The following LDB3 variants were observed in gnomAD, a reference collection of about 807,000 sequenced individuals.
LDB3 encodes the protein LIM domain binding 3, also known as LIM domain-binding protein 3.
A neutral mutation model predicts 69.0 loss-of-function variants in LDB3; 49 were observed. The observed-to-expected ratio is 0.71, with a 90% CI of 0.56 to 0.90. The LOEUF is 0.90. Ranked by LOEUF, LDB3 falls within the 40% of genes least tolerant of loss-of-function variation. LDB3 has a pLI of 0.00. For missense variants in LDB3, 928 were observed against 974.1 expected (o/e 0.95, Z 0.63); for synonymous variants, 387 against 396.2 (o/e 0.98, Z 0.28).
intron 2 of LDB3, among the ~76,000 whole-genome samples, chr10:86,674,460 A>G (rs941386443): frequency 6.6e-6 from 1 of 152,078 alleles, no homozygotes; most frequent in Non-Finnish European, 1.5e-5. Context: ...TTGGCCCAGC[A>G]AGGCGGAAGG....
At chr10:86,712,692 C>G (rs1205198849) in intron 9 of LDB3, among the ~76,000 whole-genome samples, 11 of 152,202 alleles carry the variant, frequency 7.2e-5, no homozygotes. Flanking sequence ...TAGAAATTTC[C>G]TATTAGCCAC....
At chr10:86,674,564 C>T (rs1196923068) in intron 2 of LDB3, among the ~76,000 whole-genome samples, 2 of 151,734 alleles carry the variant, frequency 1.3e-5, no homozygotes, top group Non-Finnish European at 2.9e-5. Context: ...CACCCTGAGG[C>T]CATTCTAGGC....
chr10:86,720,482 C>G (rs1847041835), intron 12 of LDB3, among the ~76,000 whole-genome samples: 1 of 152,000 alleles, frequency 6.6e-6, no homozygotes, highest in African/African-American at 2.4e-5. Context: ...GTCTTGGGTT[C>G]TTGTACTAGT....
chr10:86,689,309 G>A (rs1045022199), intron 5 of LDB3, among the ~76,000 whole-genome samples: 3 of 152,126 alleles, frequency 2.0e-5, no homozygotes, highest in Non-Finnish European at 2.9e-5. Context: ...CCAGTCATCC[G>A]TCTGTCTGGT....
At chr10:86,678,047 GT>G (rs1844897435) in intron 2 of LDB3, among the ~76,000 whole-genome samples, 1 of 152,110 alleles carries the variant, frequency 6.6e-6, no homozygotes, top group African/African-American at 2.4e-5. Context: ...TTGTTTGTTT[GT>G]TTGTTTTTAG....
intron 5 of LDB3, among the ~76,000 whole-genome samples, chr10:86,688,352 C>T (rs11202127): frequency 0.031 from 4,741 of 152,224 alleles, 213 homozygotes; most frequent in East Asian, 0.16. Flanking sequence ...CAGACCCCAG[C>T]CCTTGTGGCC....
At chr10:86,674,866 C>A (rs1382786046) in intron 2 of LDB3, among the ~76,000 whole-genome samples, 1 of 152,104 alleles carries the variant, frequency 6.6e-6, no homozygotes, top group African/African-American at 2.4e-5. Flanking sequence ...AGGGTGCCCC[C>A]CTCCAACCCA....
intron 7 of LDB3, among the ~76,000 whole-genome samples, chr10:86,692,847 T>C (rs146072299): frequency 6.6e-6 from 1 of 152,300 alleles, no homozygotes; most frequent in Non-Finnish European, 1.5e-5. Flanking sequence ...CAGGGCTGCT[T>C]TGGCCTTTGC....
intron 5 of LDB3, among the ~76,000 whole-genome samples, chr10:86,690,909 T>G (rs1845727374): frequency 6.6e-6 from 1 of 152,228 alleles, no homozygotes; most frequent in African/African-American, 2.4e-5. Context: ...CTGGCCTCTC[T>G]GGACCTCAGC....
chr10:86,684,363 A>G, intron 5 of LDB3, among the ~76,000 whole-genome samples: 1 of 152,222 alleles, frequency 6.6e-6, no homozygotes, highest in East Asian at 1.9e-4. Context: ...AATAAATGTC[A>G]AAGAAGGAGC....
At chr10:86,728,586 G>GTTTTTTTTTTTTTTTT (rs201899694) in intron 13 of LDB3, among the ~76,000 whole-genome samples, 5 of 131,444 alleles carry the variant, frequency 3.8e-5, no homozygotes, top group East Asian at 2.3e-4. Flanking sequence ...TGGTTCTTTT[G>GTTTTTTTTTTTTTTTT]TTTTTTTTTT....
chr10:86,671,876 G>A (rs1844501137), intron 2 of LDB3, among the ~76,000 whole-genome samples: 1 of 152,336 alleles, frequency 6.6e-6, no homozygotes, highest in Admixed American at 6.5e-5. Context: ...ACTTTGGGAG[G>A]CCGAGGGGGC....
intron 7 of LDB3, among the ~76,000 whole-genome samples, chr10:86,704,636 T>C (rs894842553): frequency 1.4e-5 from 2 of 147,046 alleles, no homozygotes; most frequent in Non-Finnish European, 3.0e-5. Flanking sequence ...CTGGAGTGAA[T>C]TGGCGTGATC....
intron 7 of LDB3, among the ~76,000 whole-genome samples, chr10:86,704,221 G>A (rs567497509): frequency 2.6e-5 from 4 of 152,224 alleles, no homozygotes; most frequent in South Asian, 4.1e-4. Flanking sequence ...GATCCCCAGG[G>A]GCTTCAAGCA....
rs3740345 is a variant in LDB3, at chr10:86,685,628, G to C, written c.689+3825G>C. Reference sequence around the variant, plus strand: ...GGCCCCGGCGCTCAAACTGCCCCTGGTGGAGCCTCTCTCTGACCACCCTGT... The same window carrying C: ...GGCCCCGGCGCTCAAACTGCCCCTGCTGGAGCCTCTCTCTGACCACCCTGT... On this transcript the variant is annotated intron_variant, in intron 5 of 13. Transcript: ENST00000361373. 0.72 allele frequency: 1,154,643 copies of C among 1,606,888 alleles called. 419,785 individuals are homozygous for C. The highest frequency in any genetic ancestry group is 0.79 in the South Asian group (72,094 of 90,944).
intron 5 of LDB3, among the ~76,000 whole-genome samples, chr10:86,685,132 G>A (rs1359944299): frequency 6.6e-6 from 1 of 152,170 alleles, no homozygotes; most frequent in Admixed American, 6.5e-5. Flanking sequence ...GGGAGGGAGA[G>A]GAGGTCAGGT....
intron 2 of LDB3, among the ~76,000 whole-genome samples, chr10:86,672,932 G>C (rs1844569157): frequency 6.6e-6 from 1 of 152,228 alleles, no homozygotes. Flanking sequence ...GAAAGGCTGG[G>C]CCAGGCTCTG....
chr10:86,681,363 G>A (rs369082644), intron 4 of LDB3, 73 bp from the exon 5 acceptor site: 14 of 1,590,260 alleles, frequency 8.8e-6, no homozygotes, highest in Admixed American at 1.7e-5. Context: ...TCAGGTCCAC[G>A]CAGGAGCGCT....
At chr10:86,730,596 C>T (rs1336496973) in intron 13 of LDB3, among the ~76,000 whole-genome samples, 1 of 152,190 alleles carries the variant, frequency 6.6e-6, no homozygotes, top group East Asian at 1.9e-4. Context: ...CAGACATGGA[C>T]AGAGATTCCC....
Sources: allele counts gnomAD v4.1 joint callset (sites outside exome capture counted in the v4.1 genomes callset), GRCh38; gene constraint gnomAD v4.1.1; transcripts MANE v1.5; gene names NCBI Gene and HGNC (gene_info 2026-07-23, HGNC 2026-07-21).